ATG4A: variants seen among roughly 807,000 people sequenced by gnomAD.
The protein encoded by ATG4A is cysteine protease ATG4A.
ATG4A carries 22 observed loss-of-function variants against 38.4 expected under a neutral mutation model. That is an observed-to-expected ratio of 0.57 (90% confidence interval 0.41 to 0.82). The LOEUF (loss-of-function observed/expected upper bound fraction) is 0.82, where lower values mean the gene tolerates loss of function less well. ATG4A is among the 40% of genes least tolerant of loss of function. The pLI, the probability that ATG4A is intolerant of heterozygous loss-of-function variation, is 0.00. For synonymous variants in ATG4A, 86 were observed against 100.7 expected (o/e 0.85, Z 0.88); for missense variants, 220 against 290.0 (o/e 0.76, Z 1.75).
intron 2 of ATG4A, among the ~76,000 whole-genome samples, chrX:108,126,537 T>C (rs2032802643): frequency 2.7e-5 from 3 of 112,183 alleles, no homozygotes; most frequent in Non-Finnish European, 5.6e-5. Flanking sequence ...CACTAATCAG[T>C]CTCTAGCCTT....
At chrX:108,104,736 C>A (rs773504104) in intron 1 of ATG4A, among the ~76,000 whole-genome samples, 2 of 111,284 alleles carry the variant, frequency 1.8e-5, no homozygotes, top group East Asian at 5.6e-4. Context: ...AATAAACTTT[C>A]TGTCCCTTTA....
At chrX:108,112,223 A>G (rs1405743122) in intron 1 of ATG4A, among the ~76,000 whole-genome samples, 2 of 111,777 alleles carry the variant, frequency 1.8e-5, no homozygotes, top group African/African-American at 6.5e-5. Flanking sequence ...GCTATCAAAT[A>G]GTAGATCTTA....
chrX:108,148,786 G>A (rs1005146626), intron 9 of ATG4A, among the ~76,000 whole-genome samples: 3 of 112,054 alleles, frequency 2.7e-5, no homozygotes, highest in Non-Finnish European at 5.6e-5. Flanking sequence ...TTGCCCACCT[G>A]TGGTCTAGGG....
chrX:108,101,280 C>T (rs886561841), intron 1 of ATG4A, among the ~76,000 whole-genome samples: 5 of 109,718 alleles, frequency 4.6e-5, no homozygotes, highest in Non-Finnish European at 7.6e-5. Flanking sequence ...TGTGGCCTAT[C>T]TTTTTTATTT....
At chrX:108,109,948 AG>A (rs1349584868) in intron 1 of ATG4A, among the ~76,000 whole-genome samples, 13 of 111,704 alleles carry the variant, frequency 1.2e-4, no homozygotes, top group African/African-American at 3.9e-4. Flanking sequence ...TTAGCATTTC[AG>A]GATCTCTTGA....
At chrX:108,109,319 C>T (rs113177012) in intron 1 of ATG4A, among the ~76,000 whole-genome samples, 3 of 111,816 alleles carry the variant, frequency 2.7e-5, no homozygotes, top group African/African-American at 9.7e-5. Context: ...AATTCTTTGC[C>T]CATTTTTAAT....
intron 1 of ATG4A, among the ~76,000 whole-genome samples, chrX:108,122,134 T>C (rs1160520481): frequency 1.8e-5 from 2 of 112,451 alleles, no homozygotes; most frequent in African/African-American, 6.5e-5. Flanking sequence ...GAATCTAAGA[T>C]GAATTGACTG....
chrX:108,140,610 A>AAT (rs200763154), intron 9 of ATG4A, among the ~76,000 whole-genome samples: 2 of 104,536 alleles, frequency 1.9e-5, no homozygotes, highest in Admixed American at 2.2e-4. Flanking sequence ...ATATATATAA[A>AAT]ATATATATAT....
chrX:108,148,923 T>C (rs1359114988), intron 9 of ATG4A, among the ~76,000 whole-genome samples: 1 of 112,759 alleles, frequency 8.9e-6, no homozygotes, highest in Non-Finnish European at 1.9e-5. Context: ...GGCCACTTTC[T>C]ATTTGTATTG....
intron 1 of ATG4A, among the ~76,000 whole-genome samples, chrX:108,101,790 G>A (rs1425430378): frequency 9.4e-6 from 1 of 105,952 alleles, no homozygotes; most frequent in East Asian, 3.0e-4. Flanking sequence ...CTGTTTCTAT[G>A]AACATAACTA....
Position 108,119,133 on chromosome X carries a change from A to T in ATG4A, c.11-6944A>T, listed in dbSNP as rs772994854. Among the ~76,000 whole-genome samples the T allele has an allele frequency of 3.5e-3, 390 of 111,772 alleles. 2 individuals are homozygous for T. Among genetic ancestry groups the T allele is most frequent in the African/African-American group, 0.012 (378 of 30,774 alleles). On this transcript the variant is annotated intron_variant, in intron 1 of 12. Coordinates refer to ENST00000372232, the MANE Select transcript of ATG4A (RefSeq NM_052936.5). ...CTCGGGGTATTCCTCCTAACACCCC[A>T]TCCTGCCTCCACGTACTACAGAACC...
chrX:108,110,967 C>G (rs2032340673), intron 1 of ATG4A, among the ~76,000 whole-genome samples: 1 of 111,552 alleles, frequency 9.0e-6, no homozygotes, highest in African/African-American at 3.3e-5. Context: ...TCAGTGGCAC[C>G]ATCACGGCTC....
chrX:108,149,886 A>C, intron 9 of ATG4A: 1 of 308,716 alleles, frequency 3.2e-6, no homozygotes, highest in Non-Finnish European at 5.7e-6. Flanking sequence ...TCTCATTCCC[A>C]CATTTTCTCA....
chrX:108,125,740 A>G (rs1340732786), intron 1 of ATG4A, among the ~76,000 whole-genome samples: 1 of 111,880 alleles, frequency 8.9e-6, no homozygotes, highest in Non-Finnish European at 1.9e-5. Flanking sequence ...GTATCACCTC[A>G]ACACACTCAG....
rs560691941 is a variant in ATG4A, at chrX:108,142,699, G to C, written c.814+4508G>C. ...CAGCATGGAGAAAGATGTAGGCTGG[G>C]AGGCTAGGCCCATCTCTCTTTTTCA... On this transcript the variant is annotated intron_variant, in intron 9 of 12. Coordinates refer to ENST00000372232, the MANE Select transcript of ATG4A (RefSeq NM_052936.5). Among the ~76,000 whole-genome samples, 7 of 110,824 alleles carry C rather than the reference G, an allele frequency of 6.3e-5. No homozygotes were observed. In the East Asian group the frequency reaches 1.4e-3, roughly 23 times the overall value.
intron 6 of ATG4A, 94 bp from the exon 7 acceptor site, chrX:108,136,997 T>C: frequency 1.4e-6 from 1 of 734,871 alleles, no homozygotes; most frequent in South Asian, 2.5e-5. Flanking sequence ...GCTCAGTGTT[T>C]GGTGACTTTA....
At chrX:108,134,930 G>A (rs761219738) in intron 6 of ATG4A, among the ~76,000 whole-genome samples, 5 of 112,015 alleles carry the variant, frequency 4.5e-5, no homozygotes, top group African/African-American at 1.3e-4. Flanking sequence ...TGTTGGGGGC[G>A]ACAAACCCCA....
At chrX:108,100,587 T>G (rs1172410162) in intron 1 of ATG4A, among the ~76,000 whole-genome samples, 1 of 111,430 alleles carries the variant, frequency 9.0e-6, no homozygotes. Flanking sequence ...TCGTTCCCTC[T>G]TGATTTCTAG....
intron 1 of ATG4A, among the ~76,000 whole-genome samples, chrX:108,123,880 A>C: frequency 8.9e-6 from 1 of 112,170 alleles, no homozygotes; most frequent in South Asian, 3.7e-4. Context: ...TTCTTTGGCC[A>C]GTACTAAAAA....
Sources: allele counts gnomAD v4.1 joint callset (sites outside exome capture counted in the v4.1 genomes callset), GRCh38; gene constraint gnomAD v4.1.1; transcripts MANE v1.5; gene names NCBI Gene and HGNC (gene_info 2026-07-23, HGNC 2026-07-21).